ARHGAP9: variants seen among roughly 807,000 people sequenced by gnomAD.
The protein encoded by ARHGAP9 is Rho GTPase activating protein 9.
In ARHGAP9, 76 loss-of-function variants were observed where a neutral mutation model predicts 87.3. That is an observed-to-expected ratio of 0.87 (90% CI 0.72 to 1.05). ARHGAP9 has a LOEUF of 1.05. Among genes scored for constraint, ARHGAP9 ranks in the 50% least tolerant of loss-of-function variants. ARHGAP9 has a pLI of 0.00. For missense variants in ARHGAP9, 941 were observed against 960.5 expected, an observed-to-expected ratio of 0.98 and a Z score of 0.27; for synonymous variants, 382 against 394.9, an observed-to-expected ratio of 0.97 and a Z score of 0.39.
In ARHGAP9 at chr12:57,476,418, A is replaced by G. The variant is rs749755542; in HGVS notation, c.1062T>C (p.Gly354=). The change falls in exon 8 of 18, where the codon GGT becomes GGC. Residue 354 remains glycine (G), a synonymous_variant. Transcript: ENST00000393791. ...GCTCTCGGTAGAACACCAGGCTGTT[A>G]CCCGTTAACACCACCCAAGACGGGC... is the stretch of plus-strand genomic sequence containing the variant. ...NWGPSWVVLT[G]NSLVFYREPP... The G allele has an allele frequency of 6.2e-7, 1 of 1,613,960 alleles. No individual in the cohort carries two copies. Among genetic ancestry groups the G allele is most frequent in the South Asian group, 1.1e-5 (1 of 91,068 alleles).
rs374352087 is a variant in ARHGAP9 at position 57,477,458 on chromosome 12, C to T, written c.756+1G>A. The T allele has an allele frequency of 4.0e-5, 64 of 1,613,802 alleles. No homozygotes were observed. Among genetic ancestry groups the T allele is most frequent in the Non-Finnish European group, 5.2e-5 (61 of 1,179,908 alleles). Reference sequence around the variant, plus strand: ...TGGAGAAGCAGGAGGTAAGGTCTCACCGTCTCGCTGCGACTGCGGCGCGGG... The same window carrying T: ...TGGAGAAGCAGGAGGTAAGGTCTCATCGTCTCGCTGCGACTGCGGCGCGGG... On this transcript the variant is annotated splice_donor_variant, in intron 4 of 17. Transcript: ENST00000393791. LOFTEE classifies it high-confidence loss of function.
Position 57,476,953 on chromosome 12 carries a change from C to T in ARHGAP9, c.881G>A (p.Ser294Asn). The change falls in exon 6 of 18, where the codon AGC (serine) becomes AAC (asparagine). Residue 294 changes from serine (S) to asparagine (N), a missense_variant. Physicochemically the swap from Ser to Asn is conservative, Grantham distance 46. Coordinates refer to ENST00000393791, the MANE Select transcript of ARHGAP9 (RefSeq NM_032496.4). Reference sequence around the variant, plus strand: ...AAGCTGCGAGGTGCGTTGGCTGAGGCTGAGTGAACCCTAGGGGAGAGGATT... The same window carrying T: ...AAGCTGCGAGGTGCGTTGGCTGAGGTTGAGTGAACCCTAGGGGAGAGGATT... Reference protein sequence around the residue: ...PEPLDPQGSLSLSQRTSQLDP... With the variant: ...PEPLDPQGSLNLSQRTSQLDP... 5 of 1,610,016 alleles carry T rather than the reference C, an allele frequency of 3.1e-6. No individual in the cohort carries two copies. The highest frequency in any genetic ancestry group is 3.3e-4 in the Middle Eastern group (2 of 6,050).
upstream of ARHGAP9, among the ~76,000 whole-genome samples, chr12:57,480,492 T>G (rs1392047331): frequency 6.6e-6 from 1 of 152,170 alleles, no homozygotes; most frequent in Non-Finnish European, 1.5e-5. Flanking sequence ...TCATTTATGC[T>G]TTTATCAAGG....
intron 8 of ARHGAP9, 79 bp from the exon 9 acceptor site, chr12:57,476,245 T>C: frequency 6.8e-7 from 1 of 1,479,770 alleles, no homozygotes; most frequent in Non-Finnish European, 9.1e-7. Context: ...TGTGAGGAGG[T>C]GGGAGGCTTC....
rs113313654 is a variant in ARHGAP9 at position 57,477,975 on chromosome 12, G to T, written c.535-295C>A. On this transcript the variant is annotated intron_variant, in intron 3 of 17. Transcript: ENST00000393791. ...GGGGAACAGGCTTTTTGTGGGGTGG[G>T]GGGAATGTTGAAGGGGGTGCCCCAC... 3,382 of 1,227,488 alleles carry T rather than the reference G, an allele frequency of 2.8e-3. 11 individuals are homozygous for T. The highest frequency in any genetic ancestry group is 3.3e-3 in the Admixed American group (90 of 27,616). 76.0% of individuals were successfully genotyped at this position (1,227,488 alleles called of 1,614,324 possible).
upstream of ARHGAP9, chr12:57,480,962 GTT>G (rs1265306621): frequency 7.3e-5 from 61 of 839,186 alleles, no homozygotes; most frequent in Non-Finnish European, 1.1e-4. Flanking sequence ...GATCTTCCTA[GTT>G]TACTTCACTT....
chr12:57,479,328 G>C lies in ARHGAP9; in HGVS notation c.79C>G (p.Leu27Val), dbSNP rs1874728270. The C allele has an allele frequency of 1.2e-6, 2 of 1,614,248 alleles. No homozygotes were observed. The highest frequency in any genetic ancestry group is 2.2e-5 in the South Asian group (2 of 91,082). Residue 27 changes from leucine (L) to valine (V), a missense_variant, in exon 2 of 18, where the codon CTC becomes GTC. Leu to Val is a conservative substitution (Grantham distance 32). Coordinates refer to ENST00000393791, the MANE Select transcript of ARHGAP9 (RefSeq NM_032496.4). ...GPRSPPRGSQ[L>V]CALYAFTYTG... ...TAAGTAAAGGCATAGAGGGCACAGAGCTGGGATCCCCGAGGAGGGCTTCGG... is the reference window on the plus strand; with the variant it reads ...TAAGTAAAGGCATAGAGGGCACAGACCTGGGATCCCCGAGGAGGGCTTCGG...
rs1048775810 is a variant in ARHGAP9, at chr12:57,474,683, A to T, written c.1672T>A (p.Tyr558Asn). The change falls in exon 14 of 18, where the codon TAT (tyrosine) becomes AAT (asparagine). Residue 558 changes from tyrosine to asparagine, a missense_variant. Coordinates refer to ENST00000393791, the MANE Select transcript of ARHGAP9 (RefSeq NM_032496.4). Reference sequence around the variant, plus strand: ...ACTGCCAAGTTCCCGCTCACCCGATAAATGCCATCCACATCTAGACCTGGG... The same window carrying T: ...ACTGCCAAGTTCCCGCTCACCCGATTAATGCCATCCACATCTAGACCTGGG... Reference protein sequence around the residue: ...DKRGLDVDGIYRVSGNLAVVQ... With the variant: ...DKRGLDVDGINRVSGNLAVVQ... 3.1e-6 allele frequency: 5 copies of T among 1,614,074 alleles called. No homozygotes were observed. Among genetic ancestry groups the T allele is most frequent in the Non-Finnish European group, 4.2e-6 (5 of 1,180,050 alleles).
At chr12:57,477,868 A>T (rs1012591717) in intron 3 of ARHGAP9, 188 bp from the exon 4 acceptor site, 6 of 1,410,910 alleles carry the variant, frequency 4.3e-6, no homozygotes, top group Non-Finnish European at 5.5e-6. Flanking sequence ...TCTCTCTCAC[A>T]GTTTTCTTTG....
At chr12:57,473,556 C>G in intron 17 of ARHGAP9, 47 bp downstream of exon 17, 10 of 1,547,784 alleles carry the variant, frequency 6.5e-6, no homozygotes, top group Non-Finnish European at 8.0e-6. Context: ...TGGCATTCCC[C>G]ACTCCACCTT....
chr12:57,482,632 G>C (rs1308433984), upstream of ARHGAP9, among the ~76,000 whole-genome samples: 1 of 152,122 alleles, frequency 6.6e-6, no homozygotes, highest in Admixed American at 6.5e-5. Context: ...TTGAACCTGG[G>C]AAGTTGAGGC....
chr12:57,476,712 T>C (rs893554972), intron 6 of ARHGAP9, 61 bp from the exon 7 acceptor site: 33 of 1,606,352 alleles, frequency 2.1e-5, no homozygotes, highest in Non-Finnish European at 2.8e-5. Context: ...GGCCACGGCT[T>C]TCCCTAGGGG....
chr12:57,474,890 C>T lies in ARHGAP9; in HGVS notation c.1636G>A (p.Ala546Thr), dbSNP rs112133601. Reference protein sequence around the residue: ...VPSFLRLCIAAVDKRGLDVDG... With the variant: ...VPSFLRLCIATVDKRGLDVDG... ...AGAAAATGACCTCTTTTATCCACAG[C>T]AGCAATGCAGAGCCGCAAAAAGCTG... Residue 546 changes from alanine to threonine, a missense_variant, in exon 13 of 18, where the codon GCT (alanine) becomes ACT (threonine). Transcript: ENST00000393791. 1.9e-4 allele frequency: 307 copies of T among 1,614,164 alleles called. 5 individuals are homozygous for T. Among genetic ancestry groups the T allele is most frequent in the Middle Eastern group, 1.6e-3 (10 of 6,062 alleles).
chr12:57,487,856 A>C, intron 1 of ARHGAP9: 1 of 383,230 alleles, frequency 2.6e-6, no homozygotes, highest in Non-Finnish European at 4.7e-6. Flanking sequence ...CTCACAAAAA[A>C]AAAAAAAAAA....
intron 12 of ARHGAP9, 137 bp from the exon 13 acceptor site, chr12:57,475,110 C>T: frequency 9.1e-7 from 1 of 1,096,372 alleles, no homozygotes. Context: ...ATACACTCCA[C>T]CTCCCTTCCC....
Position 57,488,752 on chromosome 12 carries a change from C to T in ARHGAP9, c.-344G>A, listed in dbSNP as rs568755380. The T allele has an allele frequency of 4.1e-6, 5 of 1,232,776 alleles. No individual in the cohort carries two copies. The South Asian group carries it at 5.2e-5, about 13-fold the overall frequency. 76.4% of individuals were successfully genotyped at this position (1,232,776 alleles called of 1,614,324 possible). Reference sequence around the variant, plus strand: ...CCCAGTTACTTTCAGTCGTTAAGTTCTTGGCTGCAGCACTATCCCAATACC... The same window carrying T: ...CCCAGTTACTTTCAGTCGTTAAGTTTTTGGCTGCAGCACTATCCCAATACC... On this transcript the variant is annotated 5_prime_UTR_variant, in exon 1 of 21. Coordinates refer to the ARHGAP9 transcript ENST00000393797.
At chr12:57,481,286 T>G (rs1050995219), upstream of ARHGAP9, among the ~76,000 whole-genome samples, 3 of 152,126 alleles carry the variant, frequency 2.0e-5, no homozygotes, top group African/African-American at 7.2e-5. Flanking sequence ...AGTCTTGCAC[T>G]GTTGCCTGGG....
chr12:57,476,419 C>A lies in ARHGAP9; in HGVS notation c.1061G>T (p.Gly354Val). The change falls in exon 8 of 18, where the codon GGT (glycine) becomes GTT (valine). Residue 354 changes from glycine to valine, a missense_variant. Coordinates refer to ENST00000393791, the MANE Select transcript of ARHGAP9 (RefSeq NM_032496.4). ...NWGPSWVVLTGNSLVFYREPP... is the reference protein window; with the variant it reads ...NWGPSWVVLTVNSLVFYREPP... Reference sequence around the variant, plus strand: ...CTCTCGGTAGAACACCAGGCTGTTACCCGTTAACACCACCCAAGACGGGCC... The same window carrying A: ...CTCTCGGTAGAACACCAGGCTGTTAACCGTTAACACCACCCAAGACGGGCC... The A allele has an allele frequency of 3.1e-6, 5 of 1,614,136 alleles. No individual in the cohort carries two copies. Among genetic ancestry groups the A allele is most frequent in the Non-Finnish European group, 3.4e-6 (4 of 1,180,016 alleles).
intron 1 of ARHGAP9, among the ~76,000 whole-genome samples, chr12:57,485,424 C>T (rs1875322922): frequency 6.6e-6 from 1 of 151,560 alleles, no homozygotes; most frequent in African/African-American, 2.4e-5. Flanking sequence ...GGCATGGTGG[C>T]AGGTGTCTGT....
Sources: allele counts gnomAD v4.1 joint callset (sites outside exome capture counted in the v4.1 genomes callset), GRCh38; gene constraint gnomAD v4.1.1; transcripts MANE v1.5; gene names NCBI Gene and HGNC (gene_info 2026-07-23, HGNC 2026-07-21).